F2RL1: variants seen among roughly 807,000 people sequenced by gnomAD.
The protein encoded by F2RL1 is proteinase-activated receptor 2.
Under a neutral mutation model 21.7 loss-of-function variants are expected in F2RL1, and 16 were observed. That is an observed-to-expected ratio of 0.74 (90% CI 0.50 to 1.12). F2RL1 has a LOEUF of 1.12. Ranked by LOEUF, F2RL1 falls within the 50% of genes most tolerant of loss-of-function variation. The probability of loss-of-function intolerance (pLI) is 0.00; values close to 1 mark genes in which losing one functional copy is unlikely to be tolerated. For missense variants in F2RL1, 432 were observed against 477.8 expected (o/e 0.90, Z 0.89); for synonymous variants, 181 against 186.7 (o/e 0.97, Z 0.25).
At chr5:76,828,127 C>T (rs2150606471) in intron 1 of F2RL1, among the ~76,000 whole-genome samples, 1 of 152,142 alleles carries the variant, frequency 6.6e-6, no homozygotes, top group South Asian at 2.1e-4. Flanking sequence ...TGCCACCACA[C>T]CTGACTAATT....
In F2RL1 at chr5:76,833,481, G is replaced by A. The variant is rs1340682362; in HGVS notation, c.874G>A (p.Val292Ile). The A allele has an allele frequency of 6.2e-7, 1 of 1,613,728 alleles. No individual in the cohort carries two copies. Among genetic ancestry groups the A allele is most frequent in the South Asian group, 1.1e-5 (1 of 91,056 alleles). The change falls in exon 2 of 2, where the codon GTC (valine) becomes ATC (isoleucine). Residue 292 changes from valine (V) to isoleucine (I), a missense_variant. Coordinates refer to ENST00000296677, the MANE Select transcript of F2RL1 (RefSeq NM_005242.6). The part of the protein sequence containing the change: ...RKRAIKLIVT[V>I]LAMYLICFTP... ...GAGGGCCATCAAACTCATTGTCACT[G>A]TCCTGGCCATGTACCTGATCTGCTT...
intron 1 of F2RL1, among the ~76,000 whole-genome samples, chr5:76,827,001 C>T (rs1048564093): frequency 5.3e-5 from 8 of 151,710 alleles, no homozygotes; most frequent in African/African-American, 1.9e-4. Context: ...AAGTGTGCAC[C>T]ACTATGCCTG....
chr5:76,823,304 A>C (rs1286248378), intron 1 of F2RL1, among the ~76,000 whole-genome samples: 1 of 150,722 alleles, frequency 6.6e-6, no homozygotes, highest in African/African-American at 2.4e-5. Context: ...AAAAGTGAAA[A>C]TCTCTCATTC....
chr5:76,827,600 CTT>C (rs70982643), intron 1 of F2RL1, among the ~76,000 whole-genome samples: 4 of 104,982 alleles, frequency 3.8e-5, no homozygotes, highest in Admixed American at 1.2e-4. Flanking sequence ...CATATAGTAA[CTT>C]TTTTTTTTTT....
At position 76,833,282 on chromosome 5, in the gene F2RL1, C is replaced by T. The variant is rs984611228; in HGVS notation, c.675C>T (p.Thr225=). Residue 225 remains threonine (T), a synonymous_variant, in exon 2 of 2, where the codon ACC becomes ACT. Coordinates refer to ENST00000296677, the MANE Select transcript of F2RL1 (RefSeq NM_005242.6). ...TIFIPALNIT[T]CHDVLPEQLL... is the part of the protein sequence containing the mutation. ...TCATTCCTGCCCTGAACATCACGACCTGTCATGATGTTTTGCCTGAGCAGC... is the reference window on the plus strand; with the variant it reads ...TCATTCCTGCCCTGAACATCACGACTTGTCATGATGTTTTGCCTGAGCAGC... 13 of 1,613,796 alleles carry T rather than the reference C, an allele frequency of 8.1e-6. No homozygotes were observed. The highest frequency in any genetic ancestry group is 1.1e-5 in the Non-Finnish European group (13 of 1,179,966).
At chr5:76,825,004 A>ATT (rs555152159) in intron 1 of F2RL1, among the ~76,000 whole-genome samples, 233 of 129,862 alleles carry the variant, frequency 1.8e-3, no homozygotes, top group Middle Eastern at 4.0e-3. Flanking sequence ...GTACATTATA[A>ATT]TTTTTTTTTT....
At position 76,819,120 on chromosome 5, in the gene F2RL1, C is replaced by A; in HGVS notation, c.-63C>A. On this transcript the variant is annotated 5_prime_UTR_variant, in exon 1 of 2. Transcript: ENST00000296677. The stretch of plus-strand genomic sequence containing the variant: ...CTTTCTCTCGGTGCGTCCAGTGGAG[C>A]TCTGAGTTTCGAATCGGCGGCGGCG... 1 of 1,360,980 alleles carries A rather than the reference C, an allele frequency of 7.3e-7. No homozygotes were observed. Among genetic ancestry groups the A allele is most frequent in the Non-Finnish European group, 1.0e-6 (1 of 988,164 alleles). 84.3% of individuals were successfully genotyped at this position (1,360,980 alleles called of 1,614,324 possible).
chr5:76,835,295 CAA>C lies in F2RL1; in HGVS notation c.*1497_*1498del, dbSNP rs1263548400. 1 of 152,140 alleles carries C rather than the reference CAA, an allele frequency of 6.6e-6. No individual in the cohort carries two copies. Among genetic ancestry groups the C allele is most frequent in the Non-Finnish European group, 1.5e-5 (1 of 68,004 alleles). The allele number at this position is 152,140 out of a possible 1,614,324, so 9.4% of individuals were successfully genotyped here. A position where few individuals can be genotyped will look rare whatever the true frequency, so the allele number is the denominator to read the frequency against. On this transcript the variant is annotated 3_prime_UTR_variant, in exon 2 of 2. Coordinates refer to ENST00000296677, the MANE Select transcript of F2RL1 (RefSeq NM_005242.6). ...TATTGTGTAATTGATTTATAAATAA[CAA>C]AATTTTTTTTACAACTTATTTCTGA...
chr5:76,825,445 GTAAC>G (rs1383887954), intron 1 of F2RL1, among the ~76,000 whole-genome samples: 1 of 152,176 alleles, frequency 6.6e-6, no homozygotes, highest in Non-Finnish European at 1.5e-5. Flanking sequence ...CTGTTTGTCT[GTAAC>G]TGAGTGGGGG....
intron 1 of F2RL1, among the ~76,000 whole-genome samples, chr5:76,830,756 C>G (rs1750336143): frequency 6.6e-6 from 1 of 152,160 alleles, no homozygotes; most frequent in African/African-American, 2.4e-5. Flanking sequence ...ACCTTTCAAC[C>G]CACTACACTA....
At chr5:76,826,796 A>G (rs2150605964) in intron 1 of F2RL1, among the ~76,000 whole-genome samples, 1 of 152,094 alleles carries the variant, frequency 6.6e-6, no homozygotes, top group Admixed American at 6.5e-5. Context: ...CAGCCAAATA[A>G]TATTCCATTG....
At chr5:76,821,951 G>A (rs546645263) in intron 1 of F2RL1, among the ~76,000 whole-genome samples, 2 of 152,154 alleles carry the variant, frequency 1.3e-5, no homozygotes, top group Admixed American at 1.3e-4. Flanking sequence ...AACAAAAAAA[G>A]GAAACATTTA....
intron 1 of F2RL1, among the ~76,000 whole-genome samples, chr5:76,822,743 A>T (rs1750161217): frequency 1.3e-5 from 2 of 152,114 alleles, no homozygotes; most frequent in South Asian, 4.1e-4. Flanking sequence ...AGGGAGGGGC[A>T]CCCCACAATT....
Position 76,833,584 on chromosome 5 carries a change from A to G in F2RL1, c.977A>G (p.Tyr326Cys). ...GGCCAGAGCCATGTCTATGCCCTGT[A>G]CATTGTAGCCCTCTGCCTCTCTACC... ...SQGQSHVYALYIVALCLSTLN... is the reference protein window; with the variant it reads ...SQGQSHVYALCIVALCLSTLN... The change falls in exon 2 of 2, where the codon TAC becomes TGC. Residue 326 changes from tyrosine (Y) to cysteine (C), a missense_variant. Tyr to Cys is a radical substitution (Grantham distance 194). Coordinates refer to ENST00000296677, the MANE Select transcript of F2RL1 (RefSeq NM_005242.6). The G allele has an allele frequency of 6.2e-7, 1 of 1,613,870 alleles. No homozygotes were observed. The highest frequency in any genetic ancestry group is 8.5e-7 in the Non-Finnish European group (1 of 1,179,990).
At chr5:76,823,581 G>A (rs1435273124) in intron 1 of F2RL1, among the ~76,000 whole-genome samples, 1 of 151,958 alleles carries the variant, frequency 6.6e-6, no homozygotes, top group Non-Finnish European at 1.5e-5. Flanking sequence ...ATTTTGCCAT[G>A]TTGGCCAGGC....
chr5:76,827,881 G>A (rs191542118), intron 1 of F2RL1, among the ~76,000 whole-genome samples: 167 of 152,254 alleles, frequency 1.1e-3, no homozygotes, highest in African/African-American at 3.7e-3. Flanking sequence ...ACAGGCGTGA[G>A]CCACTGCGTC....
intron 1 of F2RL1, among the ~76,000 whole-genome samples, chr5:76,823,507 T>C (rs932148766): frequency 1.3e-5 from 2 of 151,604 alleles, no homozygotes; most frequent in East Asian, 4.0e-4. Flanking sequence ...GCCTCTCAAG[T>C]AGATGGGATT....
At chr5:76,830,469 G>C (rs559800551) in intron 1 of F2RL1, among the ~76,000 whole-genome samples, 9 of 152,184 alleles carry the variant, frequency 5.9e-5, no homozygotes, top group African/African-American at 1.9e-4. Flanking sequence ...GTAGAGACAG[G>C]GTTTCACTAT....
chr5:76,820,344 C>A (rs1750109757), intron 1 of F2RL1, among the ~76,000 whole-genome samples: 1 of 152,066 alleles, frequency 6.6e-6, no homozygotes, highest in Non-Finnish European at 1.5e-5. Flanking sequence ...CTCAGAAATG[C>A]GCATTTCTCA....
Sources: allele counts gnomAD v4.1 joint callset (sites outside exome capture counted in the v4.1 genomes callset), GRCh38; gene constraint gnomAD v4.1.1; transcripts MANE v1.5; gene names NCBI Gene and HGNC (gene_info 2026-07-23, HGNC 2026-07-21).